CDH23: variants seen among roughly 807,000 people sequenced by gnomAD.
The protein encoded by CDH23 is cadherin-23.
A neutral mutation model predicts 317.1 loss-of-function variants in CDH23; 189 were observed. The ratio of observed to expected loss-of-function variants is 0.60; its 90% CI spans 0.53 to 0.67. CDH23 has a LOEUF of 0.67. Among genes scored for constraint, CDH23 ranks in the 30% least tolerant of loss-of-function variants. The pLI is 0.00. For synonymous variants in CDH23, 1,839 were observed against 1,876.8 expected, an observed-to-expected ratio of 0.98 and a Z score of 0.52; for missense variants, 4,401 against 4,592.4, an observed-to-expected ratio of 0.96 and a Z score of 1.20.
chr10:71,552,523 A>AG (rs1261098454), intron 6 of CDH23, among the ~76,000 whole-genome samples: 1 of 152,190 alleles, frequency 6.6e-6, no homozygotes, highest in Non-Finnish European at 1.5e-5. Context: ...AGTGAGGCTC[A>AG]GAAAAAAAAC....
chr10:71,434,801 CT>C (rs1357497561), intron 1 of CDH23, among the ~76,000 whole-genome samples: 2 of 152,118 alleles, frequency 1.3e-5, no homozygotes, highest in African/African-American at 4.8e-5. Context: ...TTGCTCACCC[CT>C]GATGGAGCAT....
At chr10:71,773,287 C>A in intron 38 of CDH23, 1 of 1,510,706 alleles carries the variant, frequency 6.6e-7, no homozygotes. Context: ...ACGCCCCCAT[C>A]CCACAGTTCC....
intron 9 of CDH23, 71 bp from the exon 10 acceptor site, chr10:71,615,433 C>T (rs1306670601): frequency 9.6e-6 from 9 of 933,828 alleles, no homozygotes; most frequent in Non-Finnish European, 1.4e-5. Flanking sequence ...CAGCTCCATG[C>T]CCCCCTGCCC....
chr10:71,578,124 A>G, intron 9 of CDH23, 132 bp downstream of exon 9: 6 of 847,128 alleles, frequency 7.1e-6, no homozygotes, highest in Non-Finnish European at 1.2e-5. Flanking sequence ...AGACCTGACT[A>G]CAGGGACAGT....
chr10:71,640,278 C>T (rs1308656825), intron 11 of CDH23, among the ~76,000 whole-genome samples: 2 of 152,308 alleles, frequency 1.3e-5, no homozygotes, highest in African/African-American at 2.4e-5. Flanking sequence ...CGATTGGTGC[C>T]GCCCCAGCCG....
At chr10:71,566,716 T>C (rs1857422859) in intron 6 of CDH23, 26 bp from the exon 7 acceptor site, 3 of 1,564,668 alleles carry the variant, frequency 1.9e-6, no homozygotes, top group East Asian at 2.3e-5. Flanking sequence ...GGCTCACCCT[T>C]GTACTTGCTT....
chr10:71,523,691 G>A (rs570466980), intron 6 of CDH23, among the ~76,000 whole-genome samples: 1 of 152,316 alleles, frequency 6.6e-6, no homozygotes, highest in East Asian at 1.9e-4. Context: ...GTGAGGGGCA[G>A]GAGGAGGGTA....
chr10:71,481,404 G>T (rs1351651932), intron 3 of CDH23, among the ~76,000 whole-genome samples: 2 of 152,190 alleles, frequency 1.3e-5, no homozygotes, highest in Admixed American at 1.3e-4. Flanking sequence ...GAAAGGAGAG[G>T]TGTGTGATGG....
intron 3 of CDH23, among the ~76,000 whole-genome samples, chr10:71,462,225 C>T (rs545306873): frequency 1.3e-5 from 2 of 152,356 alleles, no homozygotes; most frequent in East Asian, 3.9e-4. Flanking sequence ...CGCCCCTGCC[C>T]GGCCCCGCCT....
At chr10:71,705,690 A>T (rs1865760861) in intron 25 of CDH23, among the ~76,000 whole-genome samples, 2 of 152,144 alleles carry the variant, frequency 1.3e-5, no homozygotes, top group Admixed American at 1.3e-4. Context: ...TGGTGAAGGG[A>T]CGGGGTACTG....
At chr10:71,812,199 C>G (rs1189684638) in intron 66 of CDH23, 184 bp downstream of exon 66, 1 of 1,585,614 alleles carries the variant, frequency 6.3e-7, no homozygotes, top group Non-Finnish European at 8.6e-7. Flanking sequence ...GACAGGGGCT[C>G]TCCACCCCAG....
chr10:71,626,572 C>T (rs1861746264), intron 11 of CDH23, among the ~76,000 whole-genome samples: 1 of 152,198 alleles, frequency 6.6e-6, no homozygotes, highest in Non-Finnish European at 1.5e-5. Flanking sequence ...AGAGTGGGTG[C>T]AGCTGCCCTC....
At position 71,607,224 on chromosome 10, in the gene CDH23, C is replaced by T. The variant is rs192733472; in HGVS notation, c.833-8280C>T. On this transcript the variant is annotated intron_variant, in intron 9 of 69. Coordinates refer to ENST00000224721, the MANE Select transcript of CDH23 (RefSeq NM_022124.6). ...AGCCAGCCTGCCCCAGGGGCGGGGGCTTAGGCTGCCCACACACAGCTGCTT... is the reference window on the plus strand; with the variant it reads ...AGCCAGCCTGCCCCAGGGGCGGGGGTTTAGGCTGCCCACACACAGCTGCTT... Among the ~76,000 whole-genome samples the T allele has an allele frequency of 3.0e-4, 45 of 152,330 alleles. No homozygotes were observed. In the East Asian group the frequency reaches 7.1e-3, roughly 24 times the overall value.
At chr10:71,620,906 G>A (rs749825004) in intron 11 of CDH23, among the ~76,000 whole-genome samples, 65 of 152,184 alleles carry the variant, frequency 4.3e-4, no homozygotes, top group Non-Finnish European at 7.9e-4. Flanking sequence ...CCCTGCTCTC[G>A]TGTATCTCAT....
intron 3 of CDH23, among the ~76,000 whole-genome samples, chr10:71,471,785 A>C (rs986908714): frequency 6.6e-6 from 1 of 150,580 alleles, no homozygotes. Flanking sequence ...CTTTTCCTTC[A>C]TGCATCTCAA....
chr10:71,812,144 C>T, intron 66 of CDH23, 129 bp downstream of exon 66: 1 of 1,594,202 alleles, frequency 6.3e-7, no homozygotes, highest in African/African-American at 1.3e-5. Flanking sequence ...GGTGGGCGGG[C>T]CACCCTCCCT....
intron 1 of CDH23, among the ~76,000 whole-genome samples, chr10:71,428,698 C>T (rs1006304976): frequency 2.0e-5 from 3 of 152,116 alleles, no homozygotes; most frequent in Non-Finnish European, 4.4e-5. Flanking sequence ...AAGCAATTCC[C>T]CTGCCTCAGC....
At chr10:71,757,173 T>C (rs143307867) in intron 38 of CDH23, among the ~76,000 whole-genome samples, 40 of 152,358 alleles carry the variant, frequency 2.6e-4, no homozygotes, top group African/African-American at 8.9e-4. Flanking sequence ...CACTCTCTTC[T>C]AGTGATCAAA....
At chr10:71,428,145 T>TC (rs1564573551) in intron 1 of CDH23, among the ~76,000 whole-genome samples, 4 of 150,646 alleles carry the variant, frequency 2.7e-5, no homozygotes, top group Non-Finnish European at 4.4e-5. Context: ...CTTTCTTTTT[T>TC]TTTTTTTTTT....
Sources: allele counts gnomAD v4.1 joint callset (sites outside exome capture counted in the v4.1 genomes callset), GRCh38; gene constraint gnomAD v4.1.1; transcripts MANE v1.5; gene names NCBI Gene and HGNC (gene_info 2026-07-23, HGNC 2026-07-21).